The following RBFOX2 variants were observed in gnomAD, a reference collection of about 807,000 sequenced individuals.
RBFOX2 encodes the protein RNA binding fox-1 homolog 2, also known as RNA binding protein fox-1 homolog 2.
In RBFOX2, 10 loss-of-function variants were observed where a neutral mutation model predicts 49.1. That is an observed-to-expected ratio of 0.20 (90% CI 0.13 to 0.35). The LOEUF (loss-of-function observed/expected upper bound fraction) is 0.35, where lower values mean the gene tolerates loss of function less well. Among genes scored for constraint, RBFOX2 ranks in the 10% least tolerant of loss-of-function variants. The probability of loss-of-function intolerance (pLI) is 1.00; values close to 1 mark genes in which losing one functional copy is unlikely to be tolerated. For synonymous variants in RBFOX2, 183 were observed against 187.4 expected, an observed-to-expected ratio of 0.98 and a Z score of 0.19; for missense variants, 323 against 486.9, an observed-to-expected ratio of 0.66 and a Z score of 3.17.
At chr22:35,929,080 C>T (rs2052039316) in intron 1 of RBFOX2, among the ~76,000 whole-genome samples, 1 of 152,054 alleles carries the variant, frequency 6.6e-6, no homozygotes, top group African/African-American at 2.4e-5. Context: ...GATTGCACCA[C>T]CACACTCCAG....
chr22:35,757,057 C>T (rs1937166292), intron 9 of RBFOX2, among the ~76,000 whole-genome samples: 1 of 151,844 alleles, frequency 6.6e-6, no homozygotes, highest in South Asian at 2.1e-4. Flanking sequence ...TAAGAGTATT[C>T]ATGGAATTCT....
intron 1 of RBFOX2, among the ~76,000 whole-genome samples, chr22:35,850,113 C>G (rs1441040971): frequency 1.3e-5 from 2 of 151,548 alleles, no homozygotes; most frequent in East Asian, 3.9e-4. Flanking sequence ...GCAGATGGGA[C>G]TGGTATTACT....
At chr22:35,930,125 G>C (rs1357537949) in intron 1 of RBFOX2, among the ~76,000 whole-genome samples, 1 of 149,708 alleles carries the variant, frequency 6.7e-6, no homozygotes, top group African/African-American at 2.5e-5. Flanking sequence ...GGGTTCAAGC[G>C]ATTCTCGTGC....
chr22:35,840,348 C>G, exon 1 of RBFOX2: 1 of 1,557,936 alleles, frequency 6.4e-7, no homozygotes, highest in South Asian at 1.2e-5. Context: ...CTCTTTATAC[C>G]GTTTTCCTTC....
intron 2 of RBFOX2, among the ~76,000 whole-genome samples, chr22:35,789,993 T>A (rs1455211768): frequency 6.6e-6 from 1 of 152,176 alleles, no homozygotes; most frequent in East Asian, 1.9e-4. Flanking sequence ...ATTTGTTCTT[T>A]AAGTCTTCTT....
intron 1 of RBFOX2, among the ~76,000 whole-genome samples, chr22:35,981,994 A>C (rs1425544571): frequency 6.6e-6 from 1 of 152,188 alleles, no homozygotes; most frequent in African/African-American, 2.4e-5. Context: ...TGTAGGCATA[A>C]CAGCTACAAT....
chr22:35,823,903 AC>A (rs1438178153), intron 1 of RBFOX2, among the ~76,000 whole-genome samples: 25 of 152,170 alleles, frequency 1.6e-4, no homozygotes, highest in African/African-American at 6.0e-4. Context: ...TAATCCCAGC[AC>A]TGTGGAAGGC....
intron 2 of RBFOX2, among the ~76,000 whole-genome samples, chr22:35,803,415 C>G (rs1438866645): frequency 6.6e-6 from 1 of 152,180 alleles, no homozygotes; most frequent in Non-Finnish European, 1.5e-5. Context: ...GTGTCTCACA[C>G]CTGTAATCCC....
chr22:35,748,110 C>T (rs746544441), intron 9 of RBFOX2: 4 of 152,156 alleles, frequency 2.6e-5, no homozygotes, highest in African/African-American at 9.7e-5. Context: ...GAAGAAACTG[C>T]ATTGTGAGGG....
exon 5 of RBFOX2, chr22:35,768,289 G>A: frequency 6.2e-7 from 1 of 1,614,174 alleles, no homozygotes; most frequent in Non-Finnish European, 8.5e-7. Flanking sequence ...ACGGTGCCGT[G>A]TAATTTCTCC....
rs1350099807 is a variant in RBFOX2, at chr22:35,807,507, AAAG to A, written c.252+2270_252+2272del. Among the ~76,000 whole-genome samples, 6 of 152,206 alleles carry A rather than the reference AAAG, an allele frequency of 3.9e-5. No homozygotes were observed. The East Asian group carries it at 1.2e-3, about 29-fold the overall frequency. On this transcript the variant is annotated intron_variant, in intron 2 of 11. Transcript: ENST00000405409. ...ACATACTCCTATGCAACCCAGGAGCAAAGAAGAAACCACAGGAAAAATTTTTAA... is the reference window on the plus strand; with the variant it reads ...ACATACTCCTATGCAACCCAGGAGCAAAGAAACCACAGGAAAAATTTTTAA...
chr22:36,002,170 A>T (rs1321841137), intron 1 of RBFOX2, among the ~76,000 whole-genome samples: 1 of 152,244 alleles, frequency 6.6e-6, no homozygotes, highest in African/African-American at 2.4e-5. Context: ...ACGGTAACAT[A>T]ATAGAAAAAT....
At chr22:35,854,411 C>T (rs2042287187) in intron 1 of RBFOX2, among the ~76,000 whole-genome samples, 2 of 151,762 alleles carry the variant, frequency 1.3e-5, no homozygotes, top group African/African-American at 4.8e-5. Context: ...ATATTAAGAC[C>T]CTGCCTATAG....
chr22:36,023,744 C>T (rs1475999199), intron 1 of RBFOX2, among the ~76,000 whole-genome samples: 2 of 152,082 alleles, frequency 1.3e-5, no homozygotes, highest in Non-Finnish European at 2.9e-5. Context: ...CACTTCCCTC[C>T]TACTCTCTGG....
chr22:35,819,342 T>G (rs149070777), intron 1 of RBFOX2, among the ~76,000 whole-genome samples: 9 of 152,314 alleles, frequency 5.9e-5, no homozygotes, highest in Non-Finnish European at 1.2e-4. Context: ...GAGTCCACAT[T>G]ATGTACTATG....
intron 1 of RBFOX2, among the ~76,000 whole-genome samples, chr22:35,884,040 C>T (rs1016657875): frequency 7.7e-6 from 1 of 130,018 alleles, no homozygotes; most frequent in African/African-American, 2.9e-5. Flanking sequence ...TACAGGGTCT[C>T]GCTCTCTTGC....
Position 36,018,964 on chromosome 22 carries a change from T to C in RBFOX2, c.186+9276A>G, listed in dbSNP as rs117999163. 8.5e-5 allele frequency among the ~76,000 whole-genome samples: 13 copies of C among 152,214 alleles called. No homozygotes were observed. In the East Asian group the frequency reaches 2.5e-3, roughly 29 times the overall value. On this transcript the variant is annotated intron_variant, in intron 1 of 13. Transcript: ENST00000438146. ...TGTGTTAGCAGTCTGGAGAGCGGGT[T>C]TGAAGAGACTGAAAAGGGACCACAA...
chr22:35,802,643 C>T (rs1183957494), intron 2 of RBFOX2, among the ~76,000 whole-genome samples: 1 of 152,118 alleles, frequency 6.6e-6, no homozygotes, highest in African/African-American at 2.4e-5. Flanking sequence ...ATCCATAGCT[C>T]TGACAGCTAA....
intron 9 of RBFOX2, chr22:35,748,032 C>T (rs1933427324): frequency 6.6e-6 from 1 of 152,178 alleles, no homozygotes; most frequent in South Asian, 2.1e-4. Context: ...TTTAGAAATA[C>T]CTATAATTTC....
Sources: gnomAD v4.1 joint callset for allele counts (sites outside exome capture counted in the v4.1 genomes callset) on GRCh38, gnomAD v4.1.1 for gene constraint, MANE v1.5 for transcripts, NCBI Gene and HGNC (gene_info 2026-07-23, HGNC 2026-07-21) for gene names.